The following GLI3 variants were observed in gnomAD, a reference collection of about 807,000 sequenced individuals.
The protein encoded by GLI3 is transcription activator GLI3.
Under a neutral mutation model 100.8 loss-of-function variants are expected in GLI3, and 20 were observed. The ratio of observed to expected loss-of-function variants is 0.20; its 90% CI spans 0.14 to 0.29. The LOEUF is 0.29. GLI3 is among the 10% of genes least tolerant of loss of function. The pLI, the probability that GLI3 is intolerant of heterozygous loss-of-function variation, is 1.00. For synonymous variants in GLI3, 938 were observed against 860.5 expected, an observed-to-expected ratio of 1.09 and a Z score of -1.58; for missense variants, 2,040 against 2,128.5, an observed-to-expected ratio of 0.96 and a Z score of 0.82.
chr7:42,157,900 A>G (rs888359792), intron 2 of GLI3, among the ~76,000 whole-genome samples: 1 of 152,154 alleles, frequency 6.6e-6, no homozygotes, highest in African/African-American at 2.4e-5. Flanking sequence ...CATATTAATA[A>G]CACCCCCCGC....
At chr7:41,968,713 G>GAAAGAAAGAAAGAAAGAAAGAAAGAAAGA (rs1554305425) in intron 13 of GLI3, among the ~76,000 whole-genome samples, 1 of 93,896 alleles carries the variant, frequency 1.1e-5, no homozygotes, top group African/African-American at 4.4e-5. Context: ...AAGAAAGAAA[G>GAAAGAAAGAAAGAAAGAAAGAAAGAAAGA]AAGAAAGAAA....
intron 10 of GLI3, among the ~76,000 whole-genome samples, chr7:42,008,807 C>T (rs930845276): frequency 6.6e-6 from 1 of 152,184 alleles, no homozygotes; most frequent in Admixed American, 6.5e-5. Flanking sequence ...TGGAAACTAT[C>T]TTTGTCTTGT....
chr7:42,246,258 C>T (rs1424640898), intron 1 of GLI3, among the ~76,000 whole-genome samples: 1 of 152,148 alleles, frequency 6.6e-6, no homozygotes, highest in African/African-American at 2.4e-5. Context: ...ATGCCATGCC[C>T]ATTACCCTTG....
chr7:42,238,030 T>G (rs1583670359), upstream of GLI3, among the ~76,000 whole-genome samples: 1 of 132,674 alleles, frequency 7.5e-6, no homozygotes, highest in African/African-American at 2.9e-5. Context: ...CTCCTTCTCC[T>G]CCTCCTCCTC....
intron 1 of GLI3, among the ~76,000 whole-genome samples, chr7:42,229,558 A>C (rs1583664065): frequency 6.6e-6 from 1 of 152,324 alleles, no homozygotes; most frequent in East Asian, 1.9e-4. Flanking sequence ...TATCCAGAAG[A>C]AAGCAGCTTG....
Position 41,964,978 on chromosome 7 carries a change from T to G in GLI3, c.4095A>C (p.Pro1365=), listed in dbSNP as rs779222747. 6.2e-7 allele frequency: 1 copy of G among 1,613,636 alleles called. No individual in the cohort carries two copies. The highest frequency in any genetic ancestry group is 8.5e-7 in the Non-Finnish European group (1 of 1,180,036). ...GCTGGCTGCCCATGCCGTGAGCCCCTGGCAGGCAGCTCTCTGGCCCTTGGT... is the reference window on the plus strand; with the variant it reads ...GCTGGCTGCCCATGCCGTGAGCCCCGGGCAGGCAGCTCTCTGGCCCTTGGT... The part of the protein sequence containing the change: ...NIYQGPESCL[P]GAHGMGSQPS... Residue 1365 remains proline, a synonymous_variant, in exon 15 of 15, where the codon CCA becomes CCC. Coordinates refer to ENST00000395925, the MANE Select transcript of GLI3 (RefSeq NM_000168.6).
At chr7:42,216,407 C>T (rs1282164158) in intron 2 of GLI3, among the ~76,000 whole-genome samples, 1 of 152,212 alleles carries the variant, frequency 6.6e-6, no homozygotes, top group Non-Finnish European at 1.5e-5. Context: ...CTGTAGCATA[C>T]TGCAGTGGTG....
rs927703508 is a variant in GLI3, at chr7:41,963,767, A to G, written c.*563T>C. Reference sequence around the variant, plus strand: ...ACATCAATATTCTGTCATCTATGCTACAGTGCACCCACAAAAGTTTCTTAA... The same window carrying G: ...ACATCAATATTCTGTCATCTATGCTGCAGTGCACCCACAAAAGTTTCTTAA... On this transcript the variant is annotated 3_prime_UTR_variant, in exon 15 of 15. Transcript: ENST00000395925. The G allele has an allele frequency of 3.8e-5, 6 of 158,062 alleles. No homozygotes were observed. The highest frequency in any genetic ancestry group is 1.4e-4 in the African/African-American group (6 of 41,470). The allele number at this position is 158,062 out of a possible 1,614,324, so 9.8% of individuals were successfully genotyped here.
intron 3 of GLI3, among the ~76,000 whole-genome samples, chr7:42,142,045 C>T (rs558446031): frequency 2.6e-5 from 4 of 152,106 alleles, no homozygotes; most frequent in Non-Finnish European, 5.9e-5. Flanking sequence ...CAAAGGAGGT[C>T]GGGCCACCAG....
At chr7:42,182,664 A>ATACATGTGTG (rs57881865) in intron 2 of GLI3, among the ~76,000 whole-genome samples, 4 of 78,328 alleles carry the variant, frequency 5.1e-5, no homozygotes, top group African/African-American at 2.6e-4. Context: ...ATATATATAT[A>ATACATGTGTG]TATATATATA....
intron 2 of GLI3, among the ~76,000 whole-genome samples, chr7:42,209,485 T>C (rs1281330385): frequency 6.6e-6 from 1 of 152,220 alleles, no homozygotes; most frequent in Non-Finnish European, 1.5e-5. Context: ...GAATTTCCTG[T>C]TCTAAACTTA....
chr7:42,230,105 G>A (rs995128591), intron 1 of GLI3, among the ~76,000 whole-genome samples: 1 of 123,892 alleles, frequency 8.1e-6, no homozygotes, highest in East Asian at 2.8e-4. Context: ...GGGCGGGGGG[G>A]GGGGGGGTGG....
At chr7:42,044,570 T>C (rs1202467621) in intron 6 of GLI3, among the ~76,000 whole-genome samples, 2 of 152,198 alleles carry the variant, frequency 1.3e-5, no homozygotes, top group Non-Finnish European at 2.9e-5. Flanking sequence ...AAGTAGTCCC[T>C]TCTGATTTGG....
intron 2 of GLI3, among the ~76,000 whole-genome samples, chr7:42,205,910 T>TAG: frequency 1.3e-5 from 2 of 152,178 alleles, no homozygotes; most frequent in African/African-American, 4.8e-5. Context: ...CGACTAAGAT[T>TAG]GCTTCCCACA....
chr7:42,036,961 G>A lies in GLI3; in HGVS notation c.1028+3077C>T, dbSNP rs931969447. ...GTTCGAGACCAGGCTGGCCAACATG[G>A]TGAAACCCAGTCTCTACTAAAAATA... On this transcript the variant is annotated intron_variant, in intron 7 of 14. Transcript: ENST00000395925. Among the ~76,000 whole-genome samples, 17 of 152,118 alleles carry A rather than the reference G, an allele frequency of 1.1e-4. No homozygotes were observed. In the South Asian group the frequency reaches 2.7e-3, roughly 24 times the overall value.
intron 1 of GLI3, among the ~76,000 whole-genome samples, chr7:42,260,914 A>G (rs1789130999): frequency 6.6e-6 from 1 of 152,172 alleles, no homozygotes; most frequent in African/African-American, 2.4e-5. Flanking sequence ...GGTGCTATTT[A>G]TATATTCACA....
intron 7 of GLI3, among the ~76,000 whole-genome samples, chr7:42,029,015 A>G (rs1789206119): frequency 6.6e-6 from 1 of 152,152 alleles, no homozygotes; most frequent in Admixed American, 6.5e-5. Context: ...GTTCTCTAAA[A>G]TCCACATCAA....
At chr7:42,152,360 T>C in intron 2 of GLI3, 1 of 980,688 alleles carries the variant, frequency 1.0e-6, no homozygotes. Context: ...TACAACACAG[T>C]CCCCAGGCTC....
intron 11 of GLI3, chr7:41,977,929 A>G: frequency 3.4e-6 from 2 of 590,650 alleles, no homozygotes. Flanking sequence ...CAGTGCCAGT[A>G]AAAGTCCTGA....
Sources: gnomAD v4.1 joint callset for allele counts (sites outside exome capture counted in the v4.1 genomes callset) on GRCh38, gnomAD v4.1.1 for gene constraint, MANE v1.5 for transcripts, NCBI Gene and HGNC (gene_info 2026-07-23, HGNC 2026-07-21) for gene names.